MGAM2: variants seen among roughly 807,000 people sequenced by gnomAD.
MGAM2 encodes the protein maltase-glucoamylase 2 (putative).
A neutral mutation model predicts 96.1 loss-of-function variants in MGAM2; 98 were observed. The ratio of observed to expected loss-of-function variants is 1.02; its 90% CI spans 0.87 to 1.21. The LOEUF is 1.21. Ranked by LOEUF, MGAM2 falls within the 50% of genes most tolerant of loss-of-function variation. The pLI, the probability that MGAM2 is intolerant of heterozygous loss-of-function variation, is 0.00. For synonymous variants in MGAM2, 749 were observed against 414.8 expected (o/e 1.81, Z -9.79); for missense variants, 2,055 against 1,182.4 (o/e 1.74, Z -10.82).
intron 2 of MGAM2, among the ~76,000 whole-genome samples, chr7:142,117,482 C>T (rs532360811): frequency 5.6e-4 from 86 of 152,228 alleles, no homozygotes; most frequent in Non-Finnish European, 1.1e-3. Context: ...AAACAGAATG[C>T]CTTCTCTTTC....
At chr7:142,158,595 G>A (rs1795803807) in intron 19 of MGAM2, among the ~76,000 whole-genome samples, 1 of 152,096 alleles carries the variant, frequency 6.6e-6, no homozygotes, top group South Asian at 2.1e-4. Flanking sequence ...ATTGACAATG[G>A]CTTTAAATAC....
At chr7:142,189,008 C>CA (rs1414547313) in intron 36 of MGAM2, among the ~76,000 whole-genome samples, 1 of 152,066 alleles carries the variant, frequency 6.6e-6, no homozygotes, top group Non-Finnish European at 1.5e-5. Flanking sequence ...GACACAAATA[C>CA]AAAAATGATT....
chr7:142,111,998 CTGT>C (rs1224569953), intron 1 of MGAM2, among the ~76,000 whole-genome samples, 191 bp downstream of exon 1: 1 of 133,598 alleles, frequency 7.5e-6, no homozygotes, highest in African/African-American at 2.8e-5. Context: ...AGAGGAGAGA[CTGT>C]GTGTGTGTGT....
At chr7:142,145,745 T>A (rs549771595) in intron 14 of MGAM2, among the ~76,000 whole-genome samples, 1 of 151,616 alleles carries the variant, frequency 6.6e-6, no homozygotes, top group East Asian at 2.0e-4. Context: ...TCTGGCTTCC[T>A]GGGTGAGGGA....
chr7:142,159,082 T>C (rs1352381032), intron 19 of MGAM2, among the ~76,000 whole-genome samples: 4 of 152,212 alleles, frequency 2.6e-5, no homozygotes, highest in South Asian at 2.1e-4. Context: ...TGCAGCAGCA[T>C]TGAGCAAAAC....
intron 46 of MGAM2, among the ~76,000 whole-genome samples, chr7:142,210,986 G>A (rs930976597): frequency 6.6e-6 from 1 of 152,198 alleles, no homozygotes; most frequent in Admixed American, 6.5e-5. Flanking sequence ...AGCTTCCAGA[G>A]GAAGGAGCAG....
At chr7:142,214,422 C>T (rs781259517) in intron 46 of MGAM2, among the ~76,000 whole-genome samples, 4 of 152,092 alleles carry the variant, frequency 2.6e-5, no homozygotes, top group Non-Finnish European at 5.9e-5. Flanking sequence ...TTGTCTCAGC[C>T]GAAAATCTCA....
intron 35 of MGAM2, among the ~76,000 whole-genome samples, 193 bp downstream of exon 35, chr7:142,186,316 T>C (rs1796698018): frequency 6.6e-6 from 1 of 152,050 alleles, no homozygotes; most frequent in South Asian, 2.1e-4. Context: ...GGACATATTG[T>C]CTGGTGGATG....
chr7:142,114,145 AGAAAGAAG>A (rs1322927893), intron 1 of MGAM2, among the ~76,000 whole-genome samples: 48 of 113,820 alleles, frequency 4.2e-4, no homozygotes, highest in Middle Eastern at 8.5e-3. Flanking sequence ...AAAGAAAGAA[AGAAAGAAG>A]GAAAGAAAGA....
At chr7:142,204,627 A>G (rs913883130) in intron 45 of MGAM2, among the ~76,000 whole-genome samples, 2 of 152,176 alleles carry the variant, frequency 1.3e-5, no homozygotes, top group South Asian at 2.1e-4. Context: ...TTTTATGAGG[A>G]TAAAATGATT....
At chr7:142,167,943 G>T (rs1239944425) in intron 26 of MGAM2, among the ~76,000 whole-genome samples, 1 of 152,116 alleles carries the variant, frequency 6.6e-6, no homozygotes, top group East Asian at 1.9e-4. Context: ...GTAAAGGTCG[G>T]AAAGTAGACG....
At chr7:142,115,031 C>A (rs961251872) in intron 1 of MGAM2, among the ~76,000 whole-genome samples, 1 of 151,992 alleles carries the variant, frequency 6.6e-6, no homozygotes, top group East Asian at 1.9e-4. Context: ...GCCTGGCCAA[C>A]GTGGTGAAAT....
intron 45 of MGAM2, among the ~76,000 whole-genome samples, chr7:142,203,487 GA>G (rs1280234925): frequency 2.0e-5 from 3 of 151,902 alleles, no homozygotes; most frequent in Non-Finnish European, 4.4e-5. Flanking sequence ...CACAGAATTA[GA>G]AAAAAACTAT....
intron 15 of MGAM2, among the ~76,000 whole-genome samples, chr7:142,153,718 A>G (rs544688582): frequency 1.3e-5 from 2 of 152,338 alleles, no homozygotes; most frequent in African/African-American, 4.8e-5. Flanking sequence ...GTTGACCAAA[A>G]GGACCAGACC....
intron 15 of MGAM2, among the ~76,000 whole-genome samples, chr7:142,152,992 C>CA (rs1795625186): frequency 8.5e-6 from 1 of 117,122 alleles, no homozygotes; most frequent in Non-Finnish European, 1.8e-5. Context: ...GCTTTTATTC[C>CA]TTTTTTTTTT....
chr7:142,184,996 A>C (rs1796650795), intron 33 of MGAM2, 81 bp from the exon 34 acceptor site: 1 of 619,416 alleles, frequency 1.6e-6, no homozygotes, highest in South Asian at 1.9e-5. Flanking sequence ...GATGCCTGTC[A>C]TCAGAGTCTA....
intron 27 of MGAM2, 34 bp from the exon 28 acceptor site, chr7:142,171,238 C>G: frequency 1.4e-6 from 1 of 701,848 alleles, no homozygotes; most frequent in Non-Finnish European, 2.6e-6. Flanking sequence ...GGCCAGTGGT[C>G]TCCAGCTCAG....
intron 36 of MGAM2, among the ~76,000 whole-genome samples, chr7:142,188,109 A>AACACACACAC (rs60052742): frequency 0.019 from 2,663 of 143,606 alleles, 63 homozygotes; most frequent in African/African-American, 0.045. Flanking sequence ...TAAACCCTTA[A>AACACACACAC]ACACACACAC....
intron 2 of MGAM2, among the ~76,000 whole-genome samples, chr7:142,118,370 AAT>A (rs200020168): frequency 6.6e-6 from 1 of 152,012 alleles, no homozygotes; most frequent in Admixed American, 6.6e-5. Flanking sequence ...TTTTTATTGA[AAT>A]ATATATATAT....
Sources: gnomAD v4.1 joint callset for allele counts (sites outside exome capture counted in the v4.1 genomes callset) on GRCh38, gnomAD v4.1.1 for gene constraint, MANE v1.5 for transcripts, NCBI Gene and HGNC (gene_info 2026-07-23, HGNC 2026-07-21) for gene names.